Variants in CDC27 observed in about 807,000 individuals in gnomAD.
The protein encoded by CDC27 is cell division cycle 27.
A neutral mutation model predicts 109.7 loss-of-function variants in CDC27; 27 were observed. The observed-to-expected ratio is 0.25, with a 90% CI of 0.18 to 0.34. The LOEUF is 0.34. Among genes scored for constraint, CDC27 ranks in the 10% least tolerant of loss-of-function variants. CDC27 has a pLI of 1.00. For synonymous variants in CDC27, 266 were observed against 333.9 expected, an observed-to-expected ratio of 0.80 and a Z score of 2.22; for missense variants, 579 against 960.2, an observed-to-expected ratio of 0.60 and a Z score of 5.25.
intron 7 of CDC27, among the ~76,000 whole-genome samples, chr17:47,156,232 G>A (rs187998130): frequency 6.6e-6 from 1 of 151,866 alleles, no homozygotes; most frequent in Non-Finnish European, 1.5e-5. Context: ...TCTGTCTCCC[G>A]GGTTCAAGTG....
At chr17:47,147,217 G>A (rs1176647699) in intron 9 of CDC27, among the ~76,000 whole-genome samples, 4 of 151,736 alleles carry the variant, frequency 2.6e-5, no homozygotes, top group African/African-American at 4.8e-5. Context: ...TGGCTAACAC[G>A]GTGAAACCCC....
At chr17:47,174,675 G>A (rs899435463) in intron 2 of CDC27, among the ~76,000 whole-genome samples, 3 of 152,144 alleles carry the variant, frequency 2.0e-5, no homozygotes, top group Admixed American at 1.3e-4. Context: ...CTGCTAAAGT[G>A]AAAAAACAAA....
rs1453429229 is a variant in CDC27, at chr17:47,151,817, A to C, written c.1059T>G (p.Gly353=). The part of the protein sequence containing the change: ...TPILAQTQSS[G]PQTSTTPQVL... ...ACAATGATAAATACCTTGTTTGTGG[A>C]CCAGAACTTTGTGTTTGTGCAAGAA... The change falls in exon 9 of 19, where the codon GGT becomes GGG. Residue 353 remains glycine (G), a synonymous_variant. Transcript: ENST00000066544. 1.9e-6 allele frequency: 3 copies of C among 1,597,704 alleles called. No homozygotes were observed. Among genetic ancestry groups the C allele is most frequent in the Non-Finnish European group, 2.6e-6 (3 of 1,172,794 alleles).
intron 12 of CDC27, among the ~76,000 whole-genome samples, chr17:47,141,235 G>A (rs2062783713): frequency 6.6e-6 from 1 of 152,086 alleles, no homozygotes; most frequent in Non-Finnish European, 1.5e-5. Flanking sequence ...TAATATATAG[G>A]TTTCTAAAAG....
chr17:47,130,388 GA>G (rs968882100), intron 15 of CDC27, among the ~76,000 whole-genome samples: 3 of 150,452 alleles, frequency 2.0e-5, no homozygotes, highest in Non-Finnish European at 3.0e-5. Flanking sequence ...TAAAAAAAGA[GA>G]AAAAAAAGAA....
intron 2 of CDC27, among the ~76,000 whole-genome samples, chr17:47,177,516 C>T (rs1363432408): frequency 6.6e-6 from 1 of 152,074 alleles, no homozygotes; most frequent in East Asian, 1.9e-4. Flanking sequence ...GGCAGTCAGC[C>T]GAGATTGGGC....
At chr17:47,144,508 A>G (rs1199835070) in intron 9 of CDC27, among the ~76,000 whole-genome samples, 2 of 152,256 alleles carry the variant, frequency 1.3e-5, no homozygotes, top group Non-Finnish European at 2.9e-5. Flanking sequence ...GTTAACAAGT[A>G]AATACCACTA....
intron 16 of CDC27, among the ~76,000 whole-genome samples, chr17:47,126,966 G>A (rs2062159116): frequency 6.6e-6 from 1 of 152,026 alleles, no homozygotes; most frequent in African/African-American, 2.4e-5. Context: ...GCTAATTTTT[G>A]TATTTTCAGT....
chr17:47,156,305 GTT>G (rs1348969742), intron 7 of CDC27, among the ~76,000 whole-genome samples: 1 of 151,194 alleles, frequency 6.6e-6, no homozygotes, highest in African/African-American at 2.4e-5. Context: ...CACCCGGCTA[GTT>G]TTTTGTATTT....
intron 16 of CDC27, among the ~76,000 whole-genome samples, chr17:47,126,766 G>A (rs1449915574): frequency 1.3e-5 from 2 of 152,042 alleles, no homozygotes; most frequent in African/African-American, 2.4e-5. Flanking sequence ...AAGTTGAAAC[G>A]GGCTTATTAG....
At chr17:47,166,591 T>C (rs1320504336) in intron 4 of CDC27, among the ~76,000 whole-genome samples, 2 of 152,132 alleles carry the variant, frequency 1.3e-5, no homozygotes, top group African/African-American at 2.4e-5. Context: ...TGTTTGCAAT[T>C]TCACTGATTT....
At chr17:47,152,672 G>A (rs1358984956) in intron 8 of CDC27, among the ~76,000 whole-genome samples, 1 of 152,102 alleles carries the variant, frequency 6.6e-6, no homozygotes, top group Non-Finnish European at 1.5e-5. Context: ...TTACCCTGAT[G>A]TCCTGTACAC....
At chr17:47,133,060 T>TAA in intron 14 of CDC27, among the ~76,000 whole-genome samples, 1 of 46,802 alleles carries the variant, frequency 2.1e-5, no homozygotes, top group Non-Finnish European at 3.9e-5. Flanking sequence ...CACACATACA[T>TAA]ATACACACAC....
chr17:47,185,263 C>G (rs1490066763), intron 1 of CDC27, among the ~76,000 whole-genome samples: 1 of 152,066 alleles, frequency 6.6e-6, no homozygotes, highest in East Asian at 1.9e-4. Context: ...ACTGCAAGCT[C>G]CACCTCCTGG....
chr17:47,159,496 C>T, intron 4 of CDC27: 1 of 539,632 alleles, frequency 1.9e-6, no homozygotes. Context: ...CGAGGCGCAC[C>T]AGCACAGAGC....
At chr17:47,165,909 C>T (rs1047921665) in intron 4 of CDC27, among the ~76,000 whole-genome samples, 5 of 152,182 alleles carry the variant, frequency 3.3e-5, no homozygotes, top group Non-Finnish European at 5.9e-5. Context: ...AAAAGGATAT[C>T]ATTCCTCCAT....
At chr17:47,180,716 T>C (rs989268084) in intron 2 of CDC27, among the ~76,000 whole-genome samples, 4 of 152,030 alleles carry the variant, frequency 2.6e-5, no homozygotes, top group Admixed American at 6.6e-5. Context: ...TATTAAGCAT[T>C]GATTACCAAG....
intron 1 of CDC27, among the ~76,000 whole-genome samples, chr17:47,184,433 G>A (rs2149013295): frequency 6.6e-6 from 1 of 152,168 alleles, no homozygotes. Context: ...TGATTTACCA[G>A]CTATTTTACT....
chr17:47,135,384 G>A (rs772357299), intron 14 of CDC27, among the ~76,000 whole-genome samples: 24 of 151,790 alleles, frequency 1.6e-4, no homozygotes, highest in African/African-American at 3.1e-4. Context: ...TTTATATTAC[G>A]GAGACTTCTC....
Sources: allele counts gnomAD v4.1 joint callset (sites outside exome capture counted in the v4.1 genomes callset), GRCh38; gene constraint gnomAD v4.1.1; transcripts MANE v1.5; gene names NCBI Gene and HGNC (gene_info 2026-07-23, HGNC 2026-07-21).